CTNND2: variants seen among roughly 807,000 people sequenced by gnomAD.
CTNND2 encodes the protein catenin delta 2.
CTNND2 carries 22 observed loss-of-function variants against 144.4 expected under a neutral mutation model. The ratio of observed to expected loss-of-function variants is 0.15; its 90% CI spans 0.11 to 0.22. CTNND2 has a LOEUF of 0.22. Among genes scored for constraint, CTNND2 ranks in the 10% least tolerant of loss-of-function variants. The pLI is 1.00. For missense variants in CTNND2, 1,353 were observed against 1,618.8 expected (o/e 0.84, Z 2.82); for synonymous variants, 751 against 695.6 (o/e 1.08, Z -1.25).
At chr5:10,992,698 C>CCGGGTTCAAGTGATTCTCCTGCCT in intron 18 of CTNND2, 21 bp from the exon 19 acceptor site, 1 of 1,612,044 alleles carries the variant, frequency 6.2e-7, no homozygotes. Flanking sequence ...CAGCACGCTC[C>CCGGGTTCAAGTGATTCTCCTGCCT]TGTTAGATGG....
chr5:11,866,175 T>C lies in CTNND2; in HGVS notation c.37+37642A>G, dbSNP rs185199077. 1.6e-4 allele frequency among the ~76,000 whole-genome samples: 24 copies of C among 152,242 alleles called. 1 individual carries two copies. The East Asian group carries it at 4.5e-3, about 28-fold the overall frequency. On this transcript the variant is annotated intron_variant, in intron 1 of 21. Coordinates refer to ENST00000304623, the MANE Select transcript of CTNND2 (RefSeq NM_001332.4). ...AAAGTTAGCCAGGTGCAGTGGCATA[T>C]GCCTATAAACCTAGCTACTCGGGAG...
intron 9 of CTNND2, among the ~76,000 whole-genome samples, chr5:11,342,830 A>C (rs562232958): frequency 1.3e-4 from 20 of 152,328 alleles, no homozygotes; most frequent in African/African-American, 4.6e-4. Context: ...CATATAATTT[A>C]AGAGTTATAT....
At chr5:11,091,590 T>C (rs1297782288) in intron 15 of CTNND2, among the ~76,000 whole-genome samples, 2 of 152,190 alleles carry the variant, frequency 1.3e-5, no homozygotes, top group African/African-American at 4.8e-5. Flanking sequence ...TCTTAAAGCT[T>C]TGTTCTAGGA....
chr5:11,478,241 C>A (rs1473771753), intron 3 of CTNND2, among the ~76,000 whole-genome samples: 2 of 152,108 alleles, frequency 1.3e-5, no homozygotes, highest in African/African-American at 4.8e-5. Flanking sequence ...AATTTGTATC[C>A]ATTTTTTCAT....
chr5:10,986,037 A>G (rs1337686624), intron 20 of CTNND2, among the ~76,000 whole-genome samples: 1 of 152,208 alleles, frequency 6.6e-6, no homozygotes, highest in African/African-American at 2.4e-5. Flanking sequence ...TATACACATA[A>G]TATTCAATAA....
At chr5:11,106,582 G>C (rs1191818300) in intron 14 of CTNND2, among the ~76,000 whole-genome samples, 6 of 152,214 alleles carry the variant, frequency 3.9e-5, no homozygotes, top group Non-Finnish European at 8.8e-5. Flanking sequence ...GGAATGTACA[G>C]GTAATGAAAT....
chr5:11,332,050 C>T (rs533603640), intron 9 of CTNND2, among the ~76,000 whole-genome samples: 8 of 151,802 alleles, frequency 5.3e-5, no homozygotes, highest in South Asian at 4.2e-4. Context: ...CTGAGGTGGG[C>T]GGATCACCTG....
chr5:11,738,289 T>C (rs748579937), intron 1 of CTNND2, among the ~76,000 whole-genome samples: 14 of 152,164 alleles, frequency 9.2e-5, no homozygotes, highest in Non-Finnish European at 1.8e-4. Context: ...CTTTCATAAA[T>C]GATGCAATAA....
intron 3 of CTNND2, among the ~76,000 whole-genome samples, chr5:11,451,347 G>C (rs1051183117): frequency 6.6e-5 from 10 of 152,114 alleles, no homozygotes; most frequent in African/African-American, 2.2e-4. Context: ...AGAACCAAGA[G>C]CTCTAAAACC....
chr5:11,746,066 A>G (rs114267382), intron 1 of CTNND2, among the ~76,000 whole-genome samples: 2,763 of 152,290 alleles, frequency 0.018, 74 homozygotes, highest in African/African-American at 0.063. Flanking sequence ...TCTGCTTTGC[A>G]TGATGTATGA....
At chr5:11,800,687 T>C (rs555626467) in intron 1 of CTNND2, among the ~76,000 whole-genome samples, 50 of 152,278 alleles carry the variant, frequency 3.3e-4, no homozygotes, top group African/African-American at 1.2e-3. Context: ...TTGATAAACA[T>C]AAAGTCAATT....
chr5:11,871,959 G>A (rs755189096), intron 1 of CTNND2, among the ~76,000 whole-genome samples: 40 of 151,916 alleles, frequency 2.6e-4, no homozygotes, highest in African/African-American at 9.2e-4. Flanking sequence ...CAGAATACAC[G>A]TGCCATGGTG....
rs573322685 is a variant in CTNND2, at chr5:11,435,451, A to G, written c.288-23382T>C. Among the ~76,000 whole-genome samples the G allele has an allele frequency of 2.0e-5, 3 of 151,974 alleles. No homozygotes were observed. The South Asian group carries it at 6.2e-4, about 32-fold the overall frequency. ...GCCACCGCGCCCCGCCGTTTGACAAACGTTTTCTGTAAAGGCACCGCTATT... is the reference window on the plus strand; with the variant it reads ...GCCACCGCGCCCCGCCGTTTGACAAGCGTTTTCTGTAAAGGCACCGCTATT... On this transcript the variant is annotated intron_variant, in intron 3 of 21. Coordinates refer to ENST00000304623, the MANE Select transcript of CTNND2 (RefSeq NM_001332.4).
In CTNND2 at chr5:11,044,547, T is replaced by TAC. The variant is rs1745031466; in HGVS notation, c.2789-21569_2789-21568insGT. Among the ~76,000 whole-genome samples the TAC allele has an allele frequency of 6.3e-5, 5 of 79,352 alleles. No individual in the cohort carries two copies. In the South Asian group the frequency reaches 1.4e-3, roughly 22 times the overall value. 52.1% of individuals were successfully genotyped at this position (79,352 alleles called of 152,430 possible). ...CATGCTTGCAAAAAAAAAAAATACA[T>TAC]ATATATATATATATATAAATGGGTT... On this transcript the variant is annotated intron_variant, in intron 16 of 21. Transcript: ENST00000304623.
At chr5:11,166,272 G>A (rs1382518016) in intron 11 of CTNND2, among the ~76,000 whole-genome samples, 3 of 134,362 alleles carry the variant, frequency 2.2e-5, no homozygotes, top group African/African-American at 8.8e-5. Context: ...TTTTTGAGAT[G>A]GAGTCTTGCT....
At chr5:11,748,040 C>G (rs974114751) in intron 1 of CTNND2, among the ~76,000 whole-genome samples, 2 of 152,140 alleles carry the variant, frequency 1.3e-5, no homozygotes, top group African/African-American at 2.4e-5. Context: ...GATATCTGCA[C>G]TCAGCCCATA....
intron 2 of CTNND2, among the ~76,000 whole-genome samples, chr5:11,584,623 T>A (rs943433008): frequency 1.3e-5 from 2 of 152,130 alleles, no homozygotes; most frequent in Non-Finnish European, 2.9e-5. Context: ...ATGTGCTGAG[T>A]TTAATTAAAC....
chr5:11,558,442 A>C (rs1776418432), intron 3 of CTNND2, among the ~76,000 whole-genome samples: 1 of 151,980 alleles, frequency 6.6e-6, no homozygotes, highest in African/African-American at 2.4e-5. Context: ...CTTAGCTCAC[A>C]GCAGCCTTGA....
chr5:11,470,253 T>C (rs1767064409), intron 3 of CTNND2, among the ~76,000 whole-genome samples: 1 of 151,928 alleles, frequency 6.6e-6, no homozygotes, highest in Non-Finnish European at 1.5e-5. Flanking sequence ...CTGACTAACA[T>C]GGAGAAACCT....
Sources: gnomAD v4.1 joint callset for allele counts (sites outside exome capture counted in the v4.1 genomes callset) on GRCh38, gnomAD v4.1.1 for gene constraint, MANE v1.5 for transcripts, NCBI Gene and HGNC (gene_info 2026-07-23, HGNC 2026-07-21) for gene names.